Variants in USP6NL observed in about 807,000 individuals in gnomAD.
USP6NL encodes the protein USP6 N-terminal-like protein.
Under a neutral mutation model 61.9 loss-of-function variants are expected in USP6NL, and 26 were observed. The observed-to-expected ratio is 0.42, with a 90% CI of 0.31 to 0.58. The LOEUF (loss-of-function observed/expected upper bound fraction) is 0.58, where lower values mean the gene tolerates loss of function less well. USP6NL is among the 20% of genes least tolerant of loss of function. USP6NL has a pLI of 0.16. For synonymous variants in USP6NL, 432 were observed against 390.1 expected, an observed-to-expected ratio of 1.11 and a Z score of -1.27; for missense variants, 1,114 against 1,034.3, an observed-to-expected ratio of 1.08 and a Z score of -1.06.
At chr10:11,521,282 A>G (rs1056708819) in intron 4 of USP6NL, among the ~76,000 whole-genome samples, 43 of 148,670 alleles carry the variant, frequency 2.9e-4, no homozygotes, top group Non-Finnish European at 4.9e-4. Context: ...AGAGTTCTCA[A>G]GCCTTTGTAA....
rs1835874305 is a variant in USP6NL, at chr10:11,537,362, T to C, written c.5-9795A>G. Among the ~76,000 whole-genome samples, 1 of 151,556 alleles carries C rather than the reference T, an allele frequency of 6.6e-6. No individual in the cohort carries two copies. The highest frequency in any genetic ancestry group is 6.6e-5 in the Admixed American group (1 of 15,190). The stretch of plus-strand genomic sequence containing the variant: ...CCTGGGCTGGGGCAATCCACCCACC[T>C]TGGCCTCCCAAAGTGCTACGATTAT... On this transcript the variant is annotated intron_variant, in intron 2 of 14. Transcript: ENST00000609104. This position sits in a 1 kb window ranked among gnomAD's most constrained non-coding sequence, Gnocchi z 5.1.
At position 11,493,325 on chromosome 10, in the gene USP6NL, TA is replaced by T. The variant is rs376220184; in HGVS notation, c.385-98del. The T allele has an allele frequency of 5.8e-6, 6 of 1,040,464 alleles. No individual in the cohort carries two copies. The Admixed American group carries it at 1.3e-4, about 23-fold the overall frequency. 64.5% of individuals were successfully genotyped at this position (1,040,464 alleles called of 1,614,324 possible). A position where few individuals can be genotyped will look rare whatever the true frequency, so the allele number is the denominator to read the frequency against. ...AATTCTCATTAAAAAGTTTTTGGTT[TA>T]AAAAAATCACTCAATGGTTAAAAAA... On this transcript the variant is annotated intron_variant, in intron 7 of 14. Coordinates refer to ENST00000609104, the MANE Select transcript of USP6NL (RefSeq NM_014688.5).
intron 5 of USP6NL, among the ~76,000 whole-genome samples, chr10:11,515,776 A>T (rs1834930817): frequency 6.6e-6 from 1 of 152,198 alleles, no homozygotes; most frequent in South Asian, 2.1e-4. Context: ...AGTTGATGGG[A>T]GTCAGGCATG....
At position 11,493,213 on chromosome 10, in the gene USP6NL, C is replaced by T. The variant is rs1203010487; in HGVS notation, c.400G>A (p.Ala134Thr). The T allele has an allele frequency of 2.5e-6, 4 of 1,609,650 alleles. No individual in the cohort carries two copies. The highest frequency in any genetic ancestry group is 3.4e-6 in the Non-Finnish European group (4 of 1,177,834). The stretch of plus-strand genomic sequence containing the variant: ...CTGATGTCAGGTGAACAGCCCCGTG[C>T]TCTGTGTTTTAATTTCTGAAGAGAG... ...RDLYSKLKHR[A>T]RGCSPDIRQI... The change falls in exon 8 of 15, where the codon GCA becomes ACA. Residue 134 changes from alanine to threonine, a missense_variant. By Grantham distance (58) the Ala-to-Thr change is moderately conservative. Transcript: ENST00000609104.
chr10:11,536,853 T>G (rs1486456879), intron 2 of USP6NL, among the ~76,000 whole-genome samples: 1 of 152,220 alleles, frequency 6.6e-6, no homozygotes, highest in Non-Finnish European at 1.5e-5. Context: ...TAGCATATAA[T>G]CTTAGAAAAA....
chr10:11,503,477 T>G (rs1031876200), intron 6 of USP6NL, among the ~76,000 whole-genome samples: 1 of 151,898 alleles, frequency 6.6e-6, no homozygotes, highest in East Asian at 1.9e-4. Flanking sequence ...AATCTGGGGG[T>G]GGAAATAAAA....
chr10:11,594,101 AT>A (rs1353610475), intron 2 of USP6NL, among the ~76,000 whole-genome samples: 3 of 151,670 alleles, frequency 2.0e-5, no homozygotes, highest in Non-Finnish European at 2.9e-5. Context: ...CATATCCATA[AT>A]TTTTTTTTCT....
chr10:11,575,679 T>C lies in USP6NL; in HGVS notation c.4+21952A>G, dbSNP rs1837513933. Among the ~76,000 whole-genome samples the C allele has an allele frequency of 6.6e-6, 1 of 152,220 alleles. No individual in the cohort carries two copies. The highest frequency in any genetic ancestry group is 1.5e-5 in the Non-Finnish European group (1 of 68,038). On this transcript the variant is annotated intron_variant, in intron 2 of 14. Transcript: ENST00000609104. This position sits in a 1 kb window ranked among gnomAD's most constrained non-coding sequence, Gnocchi z 4.2. ...GGTTCACTACTGTCAATGCTTAGCT[T>C]CTGCTAAGCAATCAATAGCTTTTTC... is the stretch of plus-strand genomic sequence containing the variant.
chr10:11,526,006 A>G (rs1835399382), intron 3 of USP6NL, among the ~76,000 whole-genome samples: 1 of 151,246 alleles, frequency 6.6e-6, no homozygotes, highest in East Asian at 2.0e-4. Flanking sequence ...TTCAGGCCTC[A>G]TCTAACGGAT....
At chr10:11,498,448 T>C (rs1308283214) in intron 7 of USP6NL, among the ~76,000 whole-genome samples, 1 of 151,660 alleles carries the variant, frequency 6.6e-6, no homozygotes, top group African/African-American at 2.4e-5. Context: ...CCAAGACAGC[T>C]TGGATAGTAA....
intron 2 of USP6NL, among the ~76,000 whole-genome samples, chr10:11,577,011 G>T (rs532515193): frequency 2.0e-5 from 3 of 151,460 alleles, no homozygotes; most frequent in Non-Finnish European, 4.4e-5. Context: ...TCTATTTCTA[G>T]GTCCTCCTAA....
At chr10:11,486,373 C>T (rs973700643) in intron 10 of USP6NL, among the ~76,000 whole-genome samples, 6 of 151,974 alleles carry the variant, frequency 3.9e-5, no homozygotes, top group Non-Finnish European at 8.8e-5. Flanking sequence ...AGTTTTAAAT[C>T]GCTTTTTAAT....
chr10:11,606,928 C>T (rs2133693512), intron 1 of USP6NL, among the ~76,000 whole-genome samples: 1 of 151,924 alleles, frequency 6.6e-6, no homozygotes, highest in South Asian at 2.1e-4. Context: ...TAGCTGGGAC[C>T]ACAAGCGTAC....
At chr10:11,509,505 AAC>A in intron 6 of USP6NL, 88 bp downstream of exon 6, 1 of 1,234,698 alleles carries the variant, frequency 8.1e-7, no homozygotes, top group Non-Finnish European at 1.1e-6. Flanking sequence ...ATATGAATGT[AAC>A]ACTCTTATAA....
intron 2 of USP6NL, among the ~76,000 whole-genome samples, chr10:11,551,255 T>C (rs1393357225): frequency 6.6e-6 from 1 of 152,216 alleles, no homozygotes; most frequent in Non-Finnish European, 1.5e-5. Context: ...TTTTGGTTAA[T>C]TCATACTTTG....
Position 11,602,496 on chromosome 10 carries a change from G to A in USP6NL, c.-83-4779C>T, listed in dbSNP as rs556780867. 1.3e-4 allele frequency among the ~76,000 whole-genome samples: 20 copies of A among 152,070 alleles called. No homozygotes were observed. Among genetic ancestry groups the A allele is most frequent in the Non-Finnish European group, 2.1e-4 (14 of 68,006 alleles). ...TGAGCCAGGCAGTGTACTAGGCACC[G>A]CAGACACTGCCAAGAACAAAGCCAA... On this transcript the variant is annotated intron_variant, in intron 1 of 14. Coordinates refer to ENST00000609104, the MANE Select transcript of USP6NL (RefSeq NM_014688.5). This position sits in a 1 kb window ranked among gnomAD's most constrained non-coding sequence, Gnocchi z 4.8.
Position 11,560,716 on chromosome 10 carries a change from A to T in USP6NL, c.5-33149T>A, listed in dbSNP as rs12221340. Among the ~76,000 whole-genome samples the T allele has an allele frequency of 8.1e-3, 710 of 87,938 alleles. 3 individuals carry two copies. Among genetic ancestry groups the T allele is most frequent in the East Asian group, 0.028 (78 of 2,830 alleles). 57.7% of individuals were successfully genotyped at this position (87,938 alleles called of 152,430 possible). A position where few individuals can be genotyped will look rare whatever the true frequency, so the allele number is the denominator to read the frequency against. ...AAACAGTAAAAAATATATATATATT[A>T]TATATATATATATATATATTCAAAC... On this transcript the variant is annotated intron_variant, in intron 2 of 14. Transcript: ENST00000609104.
At position 11,490,556 on chromosome 10, in the gene USP6NL, C is replaced by A. The variant is rs1269134180; in HGVS notation, c.543+276G>T. 6.6e-6 allele frequency among the ~76,000 whole-genome samples: 1 copy of A among 152,222 alleles called. No individual in the cohort carries two copies. The highest frequency in any genetic ancestry group is 1.9e-4 in the East Asian group (1 of 5,204). On this transcript the variant is annotated intron_variant, in intron 9 of 14. Coordinates refer to ENST00000609104, the MANE Select transcript of USP6NL (RefSeq NM_014688.5). The surrounding 1 kb of genome is among the most constrained non-coding windows in gnomAD (Gnocchi z 4.5). Reference sequence around the variant, plus strand: ...GCTTAAAAATAAAAACAAAACAACACAAAACATTACAAAGCAAAACAATAT... The same window carrying A: ...GCTTAAAAATAAAAACAAAACAACAAAAAACATTACAAAGCAAAACAATAT...
Position 11,537,916 on chromosome 10 carries a change from C to G in USP6NL, c.5-10349G>C, listed in dbSNP as rs1213697950. Reference sequence around the variant, plus strand: ...GATTCTCCATGGCTTGCCCCTGATTCTGCAAATAAAAAGATCAACAGTGTC... The same window carrying G: ...GATTCTCCATGGCTTGCCCCTGATTGTGCAAATAAAAAGATCAACAGTGTC... On this transcript the variant is annotated intron_variant, in intron 2 of 14. Transcript: ENST00000609104. The surrounding 1 kb of genome is among the most constrained non-coding windows in gnomAD (Gnocchi z 5.1). 2.6e-5 allele frequency among the ~76,000 whole-genome samples: 4 copies of G among 152,172 alleles called. No individual in the cohort carries two copies. In the East Asian group the frequency reaches 7.7e-4, roughly 29 times the overall value.
Sources: gnomAD v4.1 joint callset for allele counts (sites outside exome capture counted in the v4.1 genomes callset) on GRCh38, gnomAD v4.1.1 for gene constraint, Gnocchi (gnomAD v3.1) non-coding constraint, MANE v1.5 for transcripts, NCBI Gene and HGNC (gene_info 2026-07-23, HGNC 2026-07-21) for gene names.